Variants in ADAMTS20 observed in about 807,000 individuals in gnomAD.
The protein encoded by ADAMTS20 is A disintegrin and metalloproteinase with thrombospondin motifs 20.
ADAMTS20 carries 225 observed loss-of-function variants against 260.1 expected under a neutral mutation model. The ratio of observed to expected loss-of-function variants is 0.87; its 90% CI spans 0.78 to 0.97. The LOEUF (loss-of-function observed/expected upper bound fraction) is 0.97, where lower values mean the gene tolerates loss of function less well. ADAMTS20 is among the 50% of genes least tolerant of loss of function. The pLI, the probability that ADAMTS20 is intolerant of heterozygous loss-of-function variation, is 0.00. For missense variants in ADAMTS20, 2,400 were observed against 2,337.7 expected, an observed-to-expected ratio of 1.03 and a Z score of -0.55; for synonymous variants, 802 against 769.5, an observed-to-expected ratio of 1.04 and a Z score of -0.70.
At chr12:43,485,443 A>G (rs542664477) in intron 7 of ADAMTS20, among the ~76,000 whole-genome samples, 2 of 152,290 alleles carry the variant, frequency 1.3e-5, no homozygotes, top group East Asian at 3.9e-4. Flanking sequence ...GCCATATATG[A>G]CAAACCCACA....
At chr12:43,392,068 A>G (rs1341333107) in intron 29 of ADAMTS20, among the ~76,000 whole-genome samples, 1 of 152,164 alleles carries the variant, frequency 6.6e-6, no homozygotes, top group Admixed American at 6.5e-5. Flanking sequence ...GAATTTTGCC[A>G]ACTCATTAAA....
chr12:43,466,561 A>G, intron 9 of ADAMTS20, 91 bp downstream of exon 9: 1 of 1,235,562 alleles, frequency 8.1e-7, no homozygotes, highest in East Asian at 2.4e-5. Context: ...AACAAGAAAA[A>G]GCTAAACAGA....
At chr12:43,396,530 T>G (rs998587442) in intron 29 of ADAMTS20, among the ~76,000 whole-genome samples, 1 of 152,162 alleles carries the variant, frequency 6.6e-6, no homozygotes, top group African/African-American at 2.4e-5. Flanking sequence ...CAAAAGGCAA[T>G]GACTTCACAA....
At chr12:43,540,096 C>G (rs542306726) in intron 2 of ADAMTS20, among the ~76,000 whole-genome samples, 1 of 152,128 alleles carries the variant, frequency 6.6e-6, no homozygotes, top group Non-Finnish European at 1.5e-5. Flanking sequence ...GTTGGCCAGG[C>G]TAGTCTCGAT....
chr12:43,394,901 G>A (rs1272455541), intron 29 of ADAMTS20, among the ~76,000 whole-genome samples: 1 of 152,044 alleles, frequency 6.6e-6, no homozygotes, highest in Non-Finnish European at 1.5e-5. Context: ...ACCTGCATTT[G>A]TGGGGAATAA....
At chr12:43,368,253 T>C (rs1471219583) in intron 37 of ADAMTS20, among the ~76,000 whole-genome samples, 2 of 152,138 alleles carry the variant, frequency 1.3e-5, no homozygotes, top group Non-Finnish European at 1.5e-5. Context: ...CTTACGATTA[T>C]ATTAGGTTGT....
At chr12:43,397,490 AC>A (rs968122143) in intron 29 of ADAMTS20, among the ~76,000 whole-genome samples, 1 of 152,146 alleles carries the variant, frequency 6.6e-6, no homozygotes, top group Admixed American at 6.5e-5. Flanking sequence ...ATTAAACTAG[AC>A]CGGGGTGTGT....
chr12:43,517,022 A>T (rs1943008239), intron 3 of ADAMTS20, among the ~76,000 whole-genome samples: 1 of 152,074 alleles, frequency 6.6e-6, no homozygotes, highest in Non-Finnish European at 1.5e-5. Context: ...ACATCCATTC[A>T]TAATAAAGAT....
At chr12:43,451,905 C>T (rs565806340) in intron 14 of ADAMTS20, among the ~76,000 whole-genome samples, 48 of 152,198 alleles carry the variant, frequency 3.2e-4, no homozygotes, top group Non-Finnish European at 6.3e-4. Context: ...ATGGTTTCAA[C>T]GGACAAGGAA....
At chr12:43,534,695 A>C (rs1294720094) in intron 2 of ADAMTS20, among the ~76,000 whole-genome samples, 1 of 152,176 alleles carries the variant, frequency 6.6e-6, no homozygotes, top group Non-Finnish European at 1.5e-5. Flanking sequence ...AAAGAACTCC[A>C]ATGCATATCA....
intron 2 of ADAMTS20, among the ~76,000 whole-genome samples, chr12:43,534,429 A>C (rs1943265666): frequency 6.6e-6 from 1 of 152,210 alleles, no homozygotes; most frequent in Admixed American, 6.6e-5. Context: ...ACACATTAAC[A>C]ATGTATTTGC....
At chr12:43,532,261 C>T in intron 2 of ADAMTS20, 66 bp from the exon 3 acceptor site, 1 of 1,421,118 alleles carries the variant, frequency 7.0e-7, no homozygotes, top group Non-Finnish European at 9.5e-7. Context: ...ACACATAGTA[C>T]CACAGGTTAA....
intron 28 of ADAMTS20, among the ~76,000 whole-genome samples, chr12:43,401,741 C>CTT (rs5797861): frequency 0.25 from 36,577 of 147,308 alleles, 4,770 homozygotes; most frequent in African/African-American, 0.34. Flanking sequence ...TATTTTTATG[C>CTT]TTTTTTTTTT....
chr12:43,403,942 C>T (rs1206456500), intron 28 of ADAMTS20, among the ~76,000 whole-genome samples: 1 of 152,090 alleles, frequency 6.6e-6, no homozygotes, highest in African/African-American at 2.4e-5. Context: ...CACCCCAACA[C>T]GTTCACCCAT....
At position 43,452,319 on chromosome 12, in the gene ADAMTS20, A is replaced by G. The variant is rs1293202774; in HGVS notation, c.2034T>C (p.Pro678=). ...AGATGTCATGAGTTTCAGTTCCACAAGGAGTACCATCTTCAACCATATCCT... is the reference window on the plus strand; with the variant it reads ...AGATGTCATGAGTTTCAGTTCCACAGGGAGTACCATCTTCAACCATATCCT... The part of the protein sequence containing the change: ...LLKDMVEDGT[P]CGTETHDICV... The change falls in exon 14 of 39, where the codon CCT becomes CCC. Residue 678 remains proline (P), a synonymous_variant. Transcript: ENST00000389420. 3.7e-6 allele frequency: 6 copies of G among 1,613,294 alleles called. No homozygotes were observed.
chr12:43,496,908 A>C (rs1942685759), intron 4 of ADAMTS20, among the ~76,000 whole-genome samples: 1 of 152,160 alleles, frequency 6.6e-6, no homozygotes, highest in South Asian at 2.1e-4. Context: ...TCATGCAACT[A>C]TATGACCGTA....
chr12:43,498,626 C>T (rs1477824844), intron 4 of ADAMTS20, among the ~76,000 whole-genome samples: 2 of 152,206 alleles, frequency 1.3e-5, no homozygotes, highest in Non-Finnish European at 2.9e-5. Context: ...AAAACCTGAA[C>T]AGCTCCTTCC....
At chr12:43,519,498 T>G (rs1943042982) in intron 3 of ADAMTS20, among the ~76,000 whole-genome samples, 1 of 152,098 alleles carries the variant, frequency 6.6e-6, no homozygotes, top group African/African-American at 2.4e-5. Flanking sequence ...GGTTGACACC[T>G]CATCTTGCAG....
chr12:43,460,984 A>ATTT (rs1298508563), intron 11 of ADAMTS20, among the ~76,000 whole-genome samples: 556 of 39,572 alleles, frequency 0.014, 15 homozygotes, highest in Non-Finnish European at 0.022. Flanking sequence ...ATATATATAT[A>ATTT]TATATTTTTT....
Sources: allele counts gnomAD v4.1 joint callset (sites outside exome capture counted in the v4.1 genomes callset), GRCh38; gene constraint gnomAD v4.1.1; transcripts MANE v1.5; gene names NCBI Gene and HGNC (gene_info 2026-07-23, HGNC 2026-07-21).